CLSTN2: variants seen among roughly 807,000 people sequenced by gnomAD.
CLSTN2 encodes calsyntenin-2.
In CLSTN2, 48 loss-of-function variants were observed where a neutral mutation model predicts 101.2. The ratio of observed to expected loss-of-function variants is 0.47; its 90% CI spans 0.38 to 0.60. The LOEUF (loss-of-function observed/expected upper bound fraction) is 0.60. Among genes scored for constraint, CLSTN2 ranks in the 20% least tolerant of loss-of-function variants. CLSTN2 has a pLI of 0.00. For synonymous variants in CLSTN2, 481 were observed against 463.6 expected (o/e 1.04, Z -0.48); for missense variants, 1,160 against 1,238.2 (o/e 0.94, Z 0.95).
chr3:140,101,310 C>T (rs1341765523), intron 1 of CLSTN2, among the ~76,000 whole-genome samples: 1 of 152,126 alleles, frequency 6.6e-6, no homozygotes, highest in Non-Finnish European at 1.5e-5. Flanking sequence ...CAGCTAGTCA[C>T]CAAGCAGTAA....
At chr3:139,961,414 T>C (rs1268274642) in intron 1 of CLSTN2, among the ~76,000 whole-genome samples, 1 of 152,176 alleles carries the variant, frequency 6.6e-6, no homozygotes, top group African/African-American at 2.4e-5. Context: ...AGAGGAGGCA[T>C]TAAGTGAAGA....
intron 8 of CLSTN2, among the ~76,000 whole-genome samples, chr3:140,532,108 C>T (rs1012261642): frequency 1.3e-5 from 2 of 152,272 alleles, no homozygotes; most frequent in African/African-American, 4.8e-5. Flanking sequence ...TGCCTGATAT[C>T]GGATTCTTGG....
intron 8 of CLSTN2, among the ~76,000 whole-genome samples, chr3:140,479,645 G>A (rs1264883037): frequency 1.3e-5 from 2 of 152,154 alleles, no homozygotes; most frequent in Non-Finnish European, 2.9e-5. Flanking sequence ...GCAGATAAAT[G>A]AAACTATACA....
At chr3:140,329,835 A>G (rs1470478087) in intron 2 of CLSTN2, among the ~76,000 whole-genome samples, 1 of 152,228 alleles carries the variant, frequency 6.6e-6, no homozygotes. Flanking sequence ...TGCAGCTTAT[A>G]TCATTAGGCC....
chr3:140,276,990 G>A (rs775879468), intron 2 of CLSTN2, among the ~76,000 whole-genome samples: 16 of 152,130 alleles, frequency 1.1e-4, no homozygotes, highest in Non-Finnish European at 1.8e-4. Flanking sequence ...TTGCAGACGT[G>A]GGCTGAGGCC....
intron 2 of CLSTN2, among the ~76,000 whole-genome samples, chr3:140,325,635 AC>A (rs1163869984): frequency 6.6e-6 from 1 of 152,248 alleles, no homozygotes; most frequent in Non-Finnish European, 1.5e-5. Flanking sequence ...GTATGTTTAT[AC>A]TGGTCCAAGC....
At chr3:140,469,283 G>T (rs552082118) in intron 8 of CLSTN2, among the ~76,000 whole-genome samples, 1 of 152,278 alleles carries the variant, frequency 6.6e-6, no homozygotes, top group South Asian at 2.1e-4. Context: ...TTTAAAGACT[G>T]CCTGTTGATG....
chr3:140,450,229 G>C (rs2077762417), intron 6 of CLSTN2, among the ~76,000 whole-genome samples: 1 of 152,172 alleles, frequency 6.6e-6, no homozygotes, highest in South Asian at 2.1e-4. Context: ...AGGTCACACA[G>C]ATAGAAAGCA....
intron 6 of CLSTN2, among the ~76,000 whole-genome samples, chr3:140,449,162 C>T (rs1933176367): frequency 6.6e-6 from 1 of 152,128 alleles, no homozygotes; most frequent in Admixed American, 6.5e-5. Flanking sequence ...ATTTGTGGGG[C>T]CCAGTGCAAA....
chr3:140,102,305 C>T (rs2008980351), intron 1 of CLSTN2, among the ~76,000 whole-genome samples: 2 of 152,174 alleles, frequency 1.3e-5, no homozygotes, highest in Admixed American at 1.3e-4. Flanking sequence ...AAGGGACTTG[C>T]TCTGATCTCC....
At chr3:140,137,857 GTT>G (rs2107807488) in intron 1 of CLSTN2, among the ~76,000 whole-genome samples, 1 of 152,270 alleles carries the variant, frequency 6.6e-6, no homozygotes, top group African/African-American at 2.4e-5. Flanking sequence ...GTTGTGCAGG[GTT>G]AAGCAGCATC....
intron 2 of CLSTN2, among the ~76,000 whole-genome samples, chr3:140,317,609 T>G (rs1235830039): frequency 1.3e-5 from 2 of 152,192 alleles, no homozygotes; most frequent in Non-Finnish European, 2.9e-5. Flanking sequence ...AAATTCTGTC[T>G]TTACTTGTTC....
At chr3:140,384,906 C>T (rs2088033306) in intron 2 of CLSTN2, among the ~76,000 whole-genome samples, 1 of 152,186 alleles carries the variant, frequency 6.6e-6, no homozygotes, top group Admixed American at 6.5e-5. Context: ...ATGGGTGAGA[C>T]TTGTCAAGGA....
intron 2 of CLSTN2, among the ~76,000 whole-genome samples, chr3:140,251,940 A>G (rs1293657327): frequency 1.3e-5 from 2 of 152,166 alleles, no homozygotes; most frequent in African/African-American, 2.4e-5. Context: ...TGACACACGT[A>G]GGAATTGCAG....
At chr3:140,039,972 C>T (rs1018930494) in intron 1 of CLSTN2, among the ~76,000 whole-genome samples, 1 of 152,036 alleles carries the variant, frequency 6.6e-6, no homozygotes, top group Non-Finnish European at 1.5e-5. Flanking sequence ...TATTTTAAGA[C>T]GTTTTAAGAA....
chr3:140,205,339 G>T (rs551976012), intron 2 of CLSTN2, among the ~76,000 whole-genome samples: 54 of 152,314 alleles, frequency 3.5e-4, no homozygotes, highest in African/African-American at 1.3e-3. Flanking sequence ...GAGGCAGAAG[G>T]TGTGATATCT....
At position 140,554,515 on chromosome 3, in the gene CLSTN2, T is replaced by G. The variant is rs145840561; in HGVS notation, c.1675-1998T>G. 1.3e-3 allele frequency among the ~76,000 whole-genome samples: 191 copies of G among 152,358 alleles called. 2 individuals carry two copies. The highest frequency in any genetic ancestry group is 4.4e-3 in the African/African-American group (184 of 41,584). ...AAAATCCTGACATCTGATGGCATAC[T>G]GTATTGTTGAGGAATTGAGACAAGC... On this transcript the variant is annotated intron_variant, in intron 10 of 16. Transcript: ENST00000458420.
intron 1 of CLSTN2, among the ~76,000 whole-genome samples, chr3:140,129,426 G>T (rs912900796): frequency 2.0e-5 from 3 of 152,148 alleles, no homozygotes; most frequent in Non-Finnish European, 4.4e-5. Flanking sequence ...TAGCTGTGAT[G>T]ATTTGGGAAT....
At position 139,986,162 on chromosome 3, in the gene CLSTN2, A is replaced by G. The variant is rs371073802; in HGVS notation, c.109+50679A>G. 2.0e-4 allele frequency among the ~76,000 whole-genome samples: 31 copies of G among 152,318 alleles called. No individual in the cohort carries two copies. The East Asian group carries it at 4.4e-3, about 22-fold the overall frequency. ...TTAGCGAGGAAACAGTCATAGCTGC[A>G]TGATTGGTCTGGGTTTTTGAGAATA... On this transcript the variant is annotated intron_variant, in intron 1 of 16. Transcript: ENST00000458420.
Sources: gnomAD v4.1 joint callset for allele counts (sites outside exome capture counted in the v4.1 genomes callset) on GRCh38, gnomAD v4.1.1 for gene constraint, MANE v1.5 for transcripts, NCBI Gene and HGNC (gene_info 2026-07-23, HGNC 2026-07-21) for gene names.